Variants in PTPRT observed in about 807,000 individuals in gnomAD.
The protein encoded by PTPRT is receptor-type tyrosine-protein phosphatase T.
Under a neutral mutation model 176.8 loss-of-function variants are expected in PTPRT, and 56 were observed. The ratio of observed to expected loss-of-function variants is 0.32; its 90% CI spans 0.26 to 0.40. The LOEUF is 0.40. Ranked by LOEUF, PTPRT falls within the 10% of genes least tolerant of loss-of-function variation. PTPRT has a pLI of 1.00. For missense variants in PTPRT, 1,540 were observed against 1,908.2 expected (o/e 0.81, Z 3.60); for synonymous variants, 783 against 739.0 (o/e 1.06, Z -0.96).
At chr20:43,119,486 G>C (rs935471645) in intron 1 of PTPRT, among the ~76,000 whole-genome samples, 2 of 152,060 alleles carry the variant, frequency 1.3e-5, no homozygotes, top group Non-Finnish European at 2.9e-5. Flanking sequence ...CCATCCCCTG[G>C]ATTCAAGGAA....
At chr20:42,925,647 G>A (rs868221111) in intron 1 of PTPRT, among the ~76,000 whole-genome samples, 4 of 152,190 alleles carry the variant, frequency 2.6e-5, no homozygotes, top group Non-Finnish European at 4.4e-5. Context: ...TTCAAGACTT[G>A]AGGGTGAATC....
the PTPRT span, among the ~76,000 whole-genome samples, chr20:42,043,414 T>C: frequency 5.3e-5 from 8 of 152,192 alleles, no homozygotes; most frequent in Non-Finnish European, 1.2e-4. Context: ...TGCAATTATG[T>C]GAGACACGCA....
intron 15 of PTPRT, among the ~76,000 whole-genome samples, chr20:42,226,646 A>G (rs958846403): frequency 6.6e-6 from 1 of 152,188 alleles, no homozygotes; most frequent in Non-Finnish European, 1.5e-5. Context: ...CTCTAGCTGT[A>G]AGAGTCCTTC....
In PTPRT at chr20:43,005,784, TACA is replaced by T. The variant is rs73624008; in HGVS notation, c.89-119855_89-119853del. On this transcript the variant is annotated intron_variant, in intron 1 of 30. Transcript: ENST00000373187. Reference sequence around the variant, plus strand: ...TTTGGACAGCAGATCAAAAACCTTATACAATTTTAAAAGAAATATTTGTGATCA... The same window carrying T: ...TTTGGACAGCAGATCAAAAACCTTATATTTTAAAAGAAATATTTGTGATCA... 1.1e-3 allele frequency among the ~76,000 whole-genome samples: 171 copies of T among 152,298 alleles called. 2 individuals carry two copies. In the East Asian group the frequency reaches 0.032, roughly 28 times the overall value.
chr20:42,866,286 A>G (rs1600492847), intron 2 of PTPRT, among the ~76,000 whole-genome samples: 1 of 152,252 alleles, frequency 6.6e-6, no homozygotes, highest in African/African-American at 2.4e-5. Flanking sequence ...GCACACCTCT[A>G]TAGGTATGTG....
chr20:42,634,124 ATATATATAAT>A (rs1305333110), intron 7 of PTPRT, among the ~76,000 whole-genome samples: 2 of 36,494 alleles, frequency 5.5e-5, no homozygotes, highest in Non-Finnish European at 8.7e-5. Flanking sequence ...ATAATATATT[ATATATATAAT>A]TATATATAAT....
chr20:42,064,020 C>T, the PTPRT span: 3 of 151,196 alleles, frequency 2.0e-5, no homozygotes, highest in African/African-American at 7.3e-5. Context: ...GGAGTTTTCC[C>T]TGTCATTTTC....
intron 18 of PTPRT, among the ~76,000 whole-genome samples, chr20:42,141,025 C>T (rs997434909): frequency 4.6e-5 from 7 of 152,154 alleles, no homozygotes; most frequent in African/African-American, 7.2e-5. Flanking sequence ...CTCCCGAGGG[C>T]GCTAACTACT....
intron 13 of PTPRT, among the ~76,000 whole-genome samples, chr20:42,261,694 C>T (rs2099650530): frequency 1.3e-5 from 2 of 152,042 alleles, no homozygotes; most frequent in South Asian, 4.1e-4. Context: ...TCTCAGCTTC[C>T]TTTGTCTGAA....
Position 42,384,817 on chromosome 20 carries a change from G to A in PTPRT, c.1561-32532C>T, listed in dbSNP as rs551132271. Among the ~76,000 whole-genome samples the A allele has an allele frequency of 7.2e-5, 11 of 152,268 alleles. No individual in the cohort carries two copies. The East Asian group carries it at 1.4e-3, about 19-fold the overall frequency. ...GTGTGTGATATCTCACTGTGGTTTT[G>A]ATTTGCACTTCCATGATGATTAGTG... On this transcript the variant is annotated intron_variant, in intron 9 of 30. Transcript: ENST00000373187.
intron 1 of PTPRT, among the ~76,000 whole-genome samples, chr20:42,917,268 T>C (rs1978830987): frequency 6.6e-6 from 1 of 152,138 alleles, no homozygotes; most frequent in Non-Finnish European, 1.5e-5. Flanking sequence ...GATCAGATAG[T>C]TGTAGCTATG....
chr20:42,360,757 C>T lies in PTPRT; in HGVS notation c.1561-8472G>A, dbSNP rs115909766. Among the ~76,000 whole-genome samples, 406 of 152,206 alleles carry T rather than the reference C, an allele frequency of 2.7e-3. 6 individuals are homozygous for T. Among genetic ancestry groups the T allele is most frequent in the African/African-American group, 9.2e-3 (382 of 41,526 alleles). On this transcript the variant is annotated intron_variant, in intron 9 of 30. Transcript: ENST00000373187. ...CCAGTTGGCTTTGGGCATGGAGATG[C>T]AAGAAGTTAAATAATCCCATGATCC...
chr20:42,579,980 T>C (rs1158422187), intron 7 of PTPRT, among the ~76,000 whole-genome samples: 7 of 152,200 alleles, frequency 4.6e-5, no homozygotes, highest in African/African-American at 1.4e-4. Context: ...TCCTTGCCCA[T>C]GCCTATGTCC....
At chr20:42,887,594 G>T (rs77549312) in intron 1 of PTPRT, among the ~76,000 whole-genome samples, 3 of 152,266 alleles carry the variant, frequency 2.0e-5, no homozygotes, top group Non-Finnish European at 4.4e-5. Context: ...TCCATCAGCT[G>T]CAAAGAACCA....
At chr20:42,759,195 G>T (rs1282817138) in intron 5 of PTPRT, among the ~76,000 whole-genome samples, 1 of 152,214 alleles carries the variant, frequency 6.6e-6, no homozygotes, top group Non-Finnish European at 1.5e-5. Flanking sequence ...AGTTAGTGGT[G>T]AGGCTTTGGC....
rs1403302357 is a variant in PTPRT at position 42,120,098 on chromosome 20, C to T, written c.2848-127G>A. The stretch of plus-strand genomic sequence containing the variant: ...CAAAATGAGAACAGCATCAGTTATT[C>T]CCAGAGAAGTGGCAAAGGTTAAATG... On this transcript the variant is annotated intron_variant, in intron 19 of 30. Transcript: ENST00000373187. The T allele has an allele frequency of 3.9e-6, 3 of 767,868 alleles. No individual in the cohort carries two copies. The African/African-American group carries it at 5.4e-5, about 14-fold the overall frequency. 47.6% of individuals were successfully genotyped at this position (767,868 alleles called of 1,614,324 possible).
rs527872763 is a variant in PTPRT at position 42,332,234 on chromosome 20, G to A, written c.1866-16238C>T. 7.9e-5 allele frequency among the ~76,000 whole-genome samples: 12 copies of A among 152,112 alleles called. No individual in the cohort carries two copies. The South Asian group carries it at 2.5e-3, about 32-fold the overall frequency. ...CATTTTTTTTCTTGTTTTTGAGATG[G>A]AGTCTCACTCTGTCACCCAGGCTGG... On this transcript the variant is annotated intron_variant, in intron 11 of 30. Transcript: ENST00000373187.
rs143456655 is a variant in PTPRT at position 42,285,619 on chromosome 20, A to G, written c.2140-3094T>C. ...AAATCATGAGCGATATATCTGTCTA[A>G]CCACACAGGCATGGCAAAGAAAGCT... On this transcript the variant is annotated intron_variant, in intron 12 of 30. Transcript: ENST00000373187. Among the ~76,000 whole-genome samples, 482 of 151,902 alleles carry G rather than the reference A, an allele frequency of 3.2e-3. 7 individuals are homozygous for G. Among genetic ancestry groups the G allele is most frequent in the African/African-American group, 0.01 (422 of 41,504 alleles).
chr20:42,651,438 A>G (rs1200456543), intron 7 of PTPRT, among the ~76,000 whole-genome samples: 1 of 152,208 alleles, frequency 6.6e-6, no homozygotes, highest in Non-Finnish European at 1.5e-5. Context: ...TTTCAAATCT[A>G]TGAGCTAGTC....
Sources: allele counts gnomAD v4.1 joint callset (sites outside exome capture counted in the v4.1 genomes callset), GRCh38; gene constraint gnomAD v4.1.1; transcripts MANE v1.5; gene names NCBI Gene and HGNC (gene_info 2026-07-23, HGNC 2026-07-21).